The following PCCA variants were observed in gnomAD, a reference collection of about 807,000 sequenced individuals.
PCCA encodes propionyl-CoA carboxylase alpha chain, mitochondrial.
In PCCA, 74 loss-of-function variants were observed where a neutral mutation model predicts 101.3. That is an observed-to-expected ratio of 0.73 (90% CI 0.61 to 0.89). PCCA has a LOEUF of 0.89. Ranked by LOEUF, PCCA falls within the 40% of genes least tolerant of loss-of-function variation. The probability of loss-of-function intolerance (pLI) is 0.00; values close to 1 mark genes in which losing one functional copy is unlikely to be tolerated. For missense variants in PCCA, 891 were observed against 907.0 expected (o/e 0.98, Z 0.23); for synonymous variants, 294 against 313.6 (o/e 0.94, Z 0.66).
chr13:100,527,770 C>T lies in PCCA; in HGVS notation c.2118+18C>T. Reference sequence around the variant, plus strand: ...CTGGCACGGTGAGTCCCTAAGTCCCCATCAGCCCAGGCCGGCCCTGTGATG... The same window carrying T: ...CTGGCACGGTGAGTCCCTAAGTCCCTATCAGCCCAGGCCGGCCCTGTGATG... On this transcript the variant is annotated intron_variant, in intron 23 of 23. Transcript: ENST00000376285. 1 of 1,585,686 alleles carries T rather than the reference C, an allele frequency of 6.3e-7. No individual in the cohort carries two copies. The highest frequency in any genetic ancestry group is 8.7e-7 in the Non-Finnish European group (1 of 1,155,364).
At chr13:100,331,758 T>G (rs1296261848) in intron 17 of PCCA, among the ~76,000 whole-genome samples, 2 of 152,142 alleles carry the variant, frequency 1.3e-5, no homozygotes, top group Non-Finnish European at 2.9e-5. Context: ...GATAGTAGTT[T>G]TATACTTTTG....
At chr13:100,410,278 C>G (rs2077959058) in intron 19 of PCCA, among the ~76,000 whole-genome samples, 1 of 152,038 alleles carries the variant, frequency 6.6e-6, no homozygotes, top group African/African-American at 2.4e-5. Flanking sequence ...GAGTCTCGCT[C>G]TGTCCCCAGG....
intron 19 of PCCA, among the ~76,000 whole-genome samples, chr13:100,424,589 G>A (rs1041271043): frequency 5.3e-5 from 8 of 152,192 alleles, no homozygotes; most frequent in African/African-American, 1.4e-4. Context: ...CTGTGTCCCA[G>A]AAGCAGACCT....
intron 8 of PCCA, among the ~76,000 whole-genome samples, chr13:100,246,070 T>G (rs1012228158): frequency 3.3e-5 from 5 of 152,162 alleles, no homozygotes; most frequent in African/African-American, 4.8e-5. Context: ...TACACCTGTA[T>G]CAACTATCTA....
At chr13:100,419,965 T>C (rs975086201) in intron 19 of PCCA, among the ~76,000 whole-genome samples, 2 of 152,270 alleles carry the variant, frequency 1.3e-5, no homozygotes, top group African/African-American at 4.8e-5. Context: ...ACCTCTAGCG[T>C]TGTGTCTTTG....
intron 4 of PCCA, among the ~76,000 whole-genome samples, chr13:100,136,938 T>G (rs1490803983): frequency 6.6e-6 from 1 of 152,042 alleles, no homozygotes; most frequent in Non-Finnish European, 1.5e-5. Flanking sequence ...TTTAGGTTTA[T>G]TTTGCTTTTC....
intron 21 of PCCA, among the ~76,000 whole-genome samples, chr13:100,486,219 T>G (rs958431338): frequency 6.6e-6 from 1 of 152,160 alleles, no homozygotes; most frequent in African/African-American, 2.4e-5. Flanking sequence ...AATCTGAGGG[T>G]TGATGTTCTT....
At chr13:100,342,043 G>A (rs1164705537) in intron 18 of PCCA, among the ~76,000 whole-genome samples, 11 of 142,264 alleles carry the variant, frequency 7.7e-5, no homozygotes, top group African/African-American at 2.9e-4. Flanking sequence ...TTTATACTTT[G>A]CATAATTAGA....
At chr13:100,306,907 A>T (rs2066495134) in intron 14 of PCCA, among the ~76,000 whole-genome samples, 2 of 152,196 alleles carry the variant, frequency 1.3e-5, no homozygotes, top group Admixed American at 6.5e-5. Flanking sequence ...GGAAGACACC[A>T]TCAGAGAGCC....
rs565910839 is a variant in PCCA at position 100,101,116 on chromosome 13, T to C, written c.106-1767T>C. ...CCGTGCCCGGCCCGAGTTCTACTTC[T>C]AGTTACTGGGTAACCGGGAGGCATC... On this transcript the variant is annotated intron_variant, in intron 1 of 23. Transcript: ENST00000376285. Among the ~76,000 whole-genome samples the C allele has an allele frequency of 2.6e-5, 4 of 152,348 alleles. No homozygotes were observed. In the South Asian group the frequency reaches 8.3e-4, roughly 32 times the overall value.
At chr13:100,356,358 A>C (rs1010825156) in intron 18 of PCCA, among the ~76,000 whole-genome samples, 1 of 152,176 alleles carries the variant, frequency 6.6e-6, no homozygotes, top group Non-Finnish European at 1.5e-5. Context: ...TGCAAATCAT[A>C]TATATTTAAT....
intron 17 of PCCA, among the ~76,000 whole-genome samples, chr13:100,336,751 C>A (rs1269320839): frequency 1.3e-5 from 2 of 152,172 alleles, no homozygotes; most frequent in African/African-American, 4.8e-5. Flanking sequence ...CCAGCCATGT[C>A]TTCACTGAAG....
intron 19 of PCCA, among the ~76,000 whole-genome samples, chr13:100,412,747 G>C (rs2152873104): frequency 6.6e-6 from 1 of 152,184 alleles, no homozygotes; most frequent in African/African-American, 2.4e-5. Context: ...TTATTCTGTG[G>C]ATGTATGTGA....
At chr13:100,300,044 G>A (rs1213667262) in intron 12 of PCCA, among the ~76,000 whole-genome samples, 1 of 152,232 alleles carries the variant, frequency 6.6e-6, no homozygotes, top group Admixed American at 6.5e-5. Context: ...GTGCTGAGAT[G>A]CTTTCTCACA....
chr13:100,124,358 T>G (rs1413577716), intron 4 of PCCA, among the ~76,000 whole-genome samples: 1 of 152,218 alleles, frequency 6.6e-6, no homozygotes, highest in Non-Finnish European at 1.5e-5. Flanking sequence ...GAGAAATATC[T>G]GATTTTACCA....
chr13:100,119,609 C>T (rs1031438038), intron 4 of PCCA, among the ~76,000 whole-genome samples: 1 of 152,122 alleles, frequency 6.6e-6, no homozygotes, highest in Non-Finnish European at 1.5e-5. Flanking sequence ...TTTTCGTTTA[C>T]TTTGAACCAC....
At chr13:100,491,318 TTG>T (rs2084891245) in intron 21 of PCCA, 1 of 167,170 alleles carries the variant, frequency 6.0e-6, no homozygotes, top group Admixed American at 6.3e-5. Flanking sequence ...GCTGCGTATT[TTG>T]TGTGTGTGCG....
chr13:100,293,006 T>C (rs941611690), intron 12 of PCCA, among the ~76,000 whole-genome samples: 1 of 151,740 alleles, frequency 6.6e-6, no homozygotes, highest in Admixed American at 6.6e-5. Flanking sequence ...CTAGGTTTTT[T>C]TTTAGATTTA....
chr13:100,195,332 T>C (rs1465664496), intron 6 of PCCA, among the ~76,000 whole-genome samples: 2 of 152,172 alleles, frequency 1.3e-5, no homozygotes, highest in African/African-American at 2.4e-5. Flanking sequence ...TAAAGCATTA[T>C]TGTTATTATT....
Sources: gnomAD v4.1 joint callset for allele counts (sites outside exome capture counted in the v4.1 genomes callset) on GRCh38, gnomAD v4.1.1 for gene constraint, MANE v1.5 for transcripts, NCBI Gene and HGNC (gene_info 2026-07-23, HGNC 2026-07-21) for gene names.